The following ZNG1A variants were observed in gnomAD, a reference collection of about 807,000 sequenced individuals.
ZNG1A encodes Zn regulated GTPase metalloprotein activator 1A.
At chr9:178,930 G>A in the ZNG1A span, 5 of 1,116,528 alleles carry the variant, frequency 4.5e-6, 2 homozygotes, top group East Asian at 7.5e-5. Context: ...TCCTCCGCAG[G>A]ATCCTCCTCC....
the ZNG1A span, among the ~76,000 whole-genome samples, chr9:139,846 T>C: frequency 5.6e-4 from 85 of 150,658 alleles, no homozygotes; most frequent in African/African-American, 2.1e-3. Context: ...ATTGCCTCAC[T>C]TGGGAAGCGC....
the ZNG1A span, chr9:166,523 G>C: frequency 6.6e-6 from 1 of 152,626 alleles, no homozygotes. Context: ...ATGAAGAAAT[G>C]AATAGGGCAC....
chr9:161,561 A>C, the ZNG1A span: 3 of 1,286,254 alleles, frequency 2.3e-6, no homozygotes, highest in Non-Finnish European at 3.0e-6. Context: ...ACTTCCAAGA[A>C]CTTACTGCTT....
chr9:127,827 G>A, the ZNG1A span, among the ~76,000 whole-genome samples: 2 of 152,136 alleles, frequency 1.3e-5, no homozygotes, highest in African/African-American at 2.4e-5. Flanking sequence ...GTTCTGTTTT[G>A]ATATGTTTCC....
At chr9:142,053 T>A in the ZNG1A span, among the ~76,000 whole-genome samples, 9 of 142,876 alleles carry the variant, frequency 6.3e-5, 1 homozygote, top group African/African-American at 2.4e-4. Context: ...AAGTCCTGAG[T>A]GACCTACAAA....
the ZNG1A span, among the ~76,000 whole-genome samples, chr9:170,909 C>T: frequency 9.1e-4 from 116 of 128,072 alleles, no homozygotes; most frequent in Admixed American, 2.0e-3. Flanking sequence ...CTCTGAAAAG[C>T]TGAATCGTGT....
the ZNG1A span, among the ~76,000 whole-genome samples, chr9:157,520 TTATA>T: frequency 1.5e-5 from 2 of 132,436 alleles, no homozygotes; most frequent in Non-Finnish European, 3.2e-5. Context: ...ACTTTATGAA[TTATA>T]TACATTTTTC....
the ZNG1A span, chr9:146,639 C>T: frequency 5.9e-4 from 90 of 152,988 alleles, no homozygotes; most frequent in Middle Eastern, 3.2e-3. Context: ...CTGATCTTCA[C>T]GTGATTTGAT....
the ZNG1A span, chr9:149,384 C>T: frequency 6.6e-6 from 1 of 151,602 alleles, no homozygotes; most frequent in African/African-American, 2.4e-5. Flanking sequence ...ATTCAAAGGT[C>T]CCTGGAATAC....
the ZNG1A span, among the ~76,000 whole-genome samples, chr9:174,838 C>A: frequency 2.1e-3 from 317 of 150,680 alleles, no homozygotes; most frequent in Non-Finnish European, 3.5e-3. Flanking sequence ...AGTATTGTGT[C>A]TAGAGCTATT....
chr9:146,540 C>A, the ZNG1A span: 87 of 183,426 alleles, frequency 4.7e-4, no homozygotes, highest in Middle Eastern at 4.7e-3. Context: ...TTTTGTATTT[C>A]TTTTATACCC....
chr9:152,191 T>C, the ZNG1A span: 1 of 340,184 alleles, frequency 2.9e-6, no homozygotes, highest in South Asian at 3.4e-5. Flanking sequence ...CCCAAATACA[T>C]CTGGAACCAG....
chr9:147,175 C>CAGAAGA, the ZNG1A span: 1 of 22,618 alleles, frequency 4.4e-5, no homozygotes, highest in Non-Finnish European at 8.4e-5. Context: ...GACTCCGCCT[C>CAGAAGA]AAAAGAAAAA....
chr9:156,502 C>T, the ZNG1A span: 5 of 1,595,354 alleles, frequency 3.1e-6, no homozygotes, highest in South Asian at 4.4e-5. Flanking sequence ...ATTGATAAGG[C>T]CATCAGGTTT....
chr9:138,355 G>T, the ZNG1A span, among the ~76,000 whole-genome samples: 1 of 142,166 alleles, frequency 7.0e-6, no homozygotes, highest in South Asian at 2.4e-4. Context: ...CACACTTCTG[G>T]CTGCTGAAAT....
the ZNG1A span, among the ~76,000 whole-genome samples, chr9:141,804 G>C: frequency 0.023 from 3,432 of 152,166 alleles, 39 homozygotes; most frequent in Middle Eastern, 0.054. Flanking sequence ...CCCATCTCAC[G>C]TGCAGAGACA....
the ZNG1A span, among the ~76,000 whole-genome samples, chr9:139,126 C>T: frequency 0.035 from 5,054 of 145,548 alleles, 123 homozygotes; most frequent in Middle Eastern, 0.055. Context: ...GTTAAATGTC[C>T]ACTAACAGAA....
chr9:154,939 G>C, the ZNG1A span: 4 of 824,856 alleles, frequency 4.8e-6, no homozygotes, highest in Non-Finnish European at 7.4e-6. Context: ...GAATTATCTA[G>C]TGCTCTATAG....
At chr9:140,533 CA>C in the ZNG1A span, among the ~76,000 whole-genome samples, 2 of 151,702 alleles carry the variant, frequency 1.3e-5, no homozygotes, top group South Asian at 4.2e-4. Context: ...CATCAAAGAC[CA>C]AAAGTAGATA....
Sources: gnomAD v4.1 joint callset for allele counts (sites outside exome capture counted in the v4.1 genomes callset) on GRCh38, gnomAD v4.1.1 for gene constraint, MANE v1.5 for transcripts, NCBI Gene and HGNC (gene_info 2026-07-23, HGNC 2026-07-21) for gene names.